Variants in PKHD1 observed in about 807,000 individuals in gnomAD.
PKHD1 encodes the protein PKHD1 ciliary IPT domain containing fibrocystin/polyductin.
PKHD1 carries 291 observed loss-of-function variants against 412.0 expected under a neutral mutation model. The observed-to-expected ratio is 0.71, with a 90% CI of 0.64 to 0.78. The LOEUF is 0.78. PKHD1 is among the 30% of genes least tolerant of loss of function. PKHD1 has a pLI of 0.00. For synonymous variants in PKHD1, 1,777 were observed against 1,821.5 expected (o/e 0.98, Z 0.62); for missense variants, 4,825 against 4,950.7 (o/e 0.97, Z 0.76).
Position 51,868,063 on chromosome 6 carries a change from T to C in PKHD1, c.7533A>G (p.Ser2511=), listed in dbSNP as rs200679577. The change falls in exon 48 of 67, where the codon TCA becomes TCG. Residue 2511 remains serine, a synonymous_variant. Transcript: ENST00000371117. The part of the protein sequence containing the change: ...KTSQLKFTNS[S]NLVAFPFPHA... ...GAGGAAATGGAAATGCCACTAAGTT[T>C]GAAGAGTTTGTAAACTTCAACTGGC... The C allele has an allele frequency of 1.3e-4, 217 of 1,612,046 alleles. No homozygotes were observed. The highest frequency in any genetic ancestry group is 5.2e-4 in the Admixed American group (31 of 59,940).
At chr6:51,788,899 C>T (rs1793302719) in intron 53 of PKHD1, among the ~76,000 whole-genome samples, 1 of 152,106 alleles carries the variant, frequency 6.6e-6, no homozygotes, top group Admixed American at 6.5e-5. Context: ...ACTCTTATCC[C>T]ACATATGTTG....
rs1785423328 is a variant in PKHD1 at position 51,747,843 on chromosome 6, T to C, written c.9773A>G (p.Glu3258Gly). 6.2e-7 allele frequency: 1 copy of C among 1,613,608 alleles called. No individual in the cohort carries two copies. The highest frequency in any genetic ancestry group is 1.7e-5 in the Admixed American group (1 of 59,948). ...ATCATTCCTCACTTTGTGCCATGGC[T>C]CCTGAGGCCACTGATTTGGTTCTGA... ...FTSEPNQWPQ[E>G]PWHKVRNDHS... Residue 3258 changes from glutamate (E) to glycine (G), a missense_variant, in exon 58 of 67, where the codon GAG becomes GGG. Transcript: ENST00000371117.
Position 51,775,840 on chromosome 6 carries a change from A to G in PKHD1, c.8522T>C (p.Met2841Thr), listed in dbSNP as rs1483524710. Residue 2841 changes from methionine to threonine, a missense_variant, in exon 54 of 67, where the codon ATG becomes ACG. By Grantham distance (81) the Met-to-Thr change is moderately conservative. Transcript: ENST00000371117. Reference protein sequence around the residue: ...RASEGVFCDRMNGIHIDPGTI... With the variant: ...RASEGVFCDRTNGIHIDPGTI... ...TCCTGGGTCAATATGAATTCCATTC[A>G]TACGGTCACAAAAGACTCCCTCTGA... 6.3e-7 allele frequency: 1 copy of G among 1,581,068 alleles called. No homozygotes were observed. The highest frequency in any genetic ancestry group is 2.2e-5 in the East Asian group (1 of 44,604).
chr6:51,635,364 A>T (rs980097286), intron 64 of PKHD1, among the ~76,000 whole-genome samples: 5 of 152,234 alleles, frequency 3.3e-5, no homozygotes, highest in African/African-American at 4.8e-5. Context: ...CCAAGGGTGG[A>T]GACCACTGGC....
chr6:52,087,166 T>A (rs949939871), intron 1 of PKHD1, among the ~76,000 whole-genome samples: 3 of 152,222 alleles, frequency 2.0e-5, no homozygotes, highest in African/African-American at 4.8e-5. Flanking sequence ...TTATTTCTCA[T>A]AACTAAAATT....
chr6:51,711,948 G>A (rs997795099), intron 60 of PKHD1, among the ~76,000 whole-genome samples: 7 of 152,100 alleles, frequency 4.6e-5, no homozygotes, highest in Non-Finnish European at 1.0e-4. Context: ...GTAATGCCTG[G>A]AACTAGCCAA....
At chr6:51,893,441 C>T (rs1018135611) in intron 43 of PKHD1, among the ~76,000 whole-genome samples, 6 of 152,162 alleles carry the variant, frequency 3.9e-5, no homozygotes, top group Non-Finnish European at 7.3e-5. Flanking sequence ...CAACTTTGGT[C>T]CTCTGTTAGC....
At chr6:52,021,457 T>C (rs1801383642) in intron 33 of PKHD1, among the ~76,000 whole-genome samples, 1 of 152,194 alleles carries the variant, frequency 6.6e-6, no homozygotes, top group Non-Finnish European at 1.5e-5. Flanking sequence ...GTAGCAGTAT[T>C]AGTTAAAAAT....
intron 1 of PKHD1, among the ~76,000 whole-genome samples, chr6:52,086,629 C>T (rs1032669731): frequency 3.9e-5 from 6 of 152,152 alleles, no homozygotes; most frequent in Non-Finnish European, 7.3e-5. Context: ...ATGCCCACTA[C>T]GTGCTAAGCA....
chr6:52,031,293 G>A (rs1802999493), intron 29 of PKHD1, among the ~76,000 whole-genome samples: 1 of 152,162 alleles, frequency 6.6e-6, no homozygotes, highest in Admixed American at 6.6e-5. Flanking sequence ...ATAAAGAACT[G>A]CAACCCAACT....
intron 18 of PKHD1, 38 bp from the exon 19 acceptor site, chr6:52,055,767 G>A: frequency 6.2e-7 from 1 of 1,609,150 alleles, no homozygotes; most frequent in South Asian, 1.1e-5. Flanking sequence ...GGCAGGCATA[G>A]ATATTAAAAA....
At chr6:52,068,881 G>A (rs1331135631) in intron 11 of PKHD1, among the ~76,000 whole-genome samples, 1 of 152,162 alleles carries the variant, frequency 6.6e-6, no homozygotes, top group Non-Finnish European at 1.5e-5. Flanking sequence ...ATTGCTTCTG[G>A]AATCTGAACC....
intron 60 of PKHD1, among the ~76,000 whole-genome samples, chr6:51,710,019 G>C (rs1780469514): frequency 1.3e-5 from 2 of 152,062 alleles, no homozygotes; most frequent in African/African-American, 4.8e-5. Context: ...GACCATCCTA[G>C]CCAACATGGT....
chr6:51,999,960 C>T (rs1798150453), intron 35 of PKHD1, among the ~76,000 whole-genome samples: 1 of 152,160 alleles, frequency 6.6e-6, no homozygotes, highest in South Asian at 2.1e-4. Flanking sequence ...TGAGACCCTT[C>T]ATACCTGGGA....
chr6:51,664,740 AT>A, intron 60 of PKHD1, among the ~76,000 whole-genome samples: 1 of 152,204 alleles, frequency 6.6e-6, no homozygotes, highest in African/African-American at 2.4e-5. Flanking sequence ...TACCTTCCTG[AT>A]TGCAAAGGAA....
intron 64 of PKHD1, among the ~76,000 whole-genome samples, chr6:51,638,155 G>C (rs1768828216): frequency 6.6e-6 from 1 of 152,054 alleles, no homozygotes; most frequent in Non-Finnish European, 1.5e-5. Context: ...GTAAACACTG[G>C]ACTATCAAAA....
chr6:51,923,981 C>A (rs539201858), intron 37 of PKHD1, among the ~76,000 whole-genome samples: 2 of 152,148 alleles, frequency 1.3e-5, no homozygotes, highest in African/African-American at 4.8e-5. Flanking sequence ...ATGAAAGTAA[C>A]GATCCCAGTC....
At chr6:51,777,041 T>C (rs1791141592) in intron 53 of PKHD1, among the ~76,000 whole-genome samples, 1 of 152,014 alleles carries the variant, frequency 6.6e-6, no homozygotes, top group African/African-American at 2.4e-5. Context: ...GGGAAGGTAA[T>C]CCCAAAATTA....
At chr6:52,044,879 A>C (rs1581921079) in intron 25 of PKHD1, 87 bp downstream of exon 25, 2 of 1,488,858 alleles carry the variant, frequency 1.3e-6, no homozygotes, top group African/African-American at 1.4e-5. Flanking sequence ...TTAAGAGCTA[A>C]ATCAATGAGT....
Sources: allele counts gnomAD v4.1 joint callset (sites outside exome capture counted in the v4.1 genomes callset), GRCh38; gene constraint gnomAD v4.1.1; transcripts MANE v1.5; gene names NCBI Gene and HGNC (gene_info 2026-07-23, HGNC 2026-07-21).